C3orf20: variants seen among roughly 807,000 people sequenced by gnomAD.
C3orf20 encodes the protein uncharacterized protein C3orf20.
C3orf20 carries 76 observed loss-of-function variants against 88.3 expected under a neutral mutation model. The observed-to-expected ratio is 0.86, with a 90% confidence interval of 0.72 to 1.04. C3orf20 has a LOEUF of 1.04. C3orf20 is among the 50% of genes least tolerant of loss of function. The pLI is 0.00. For synonymous variants in C3orf20, 436 were observed against 437.4 expected, an observed-to-expected ratio of 1.00 and a Z score of 0.04; for missense variants, 1,056 against 1,123.3, an observed-to-expected ratio of 0.94 and a Z score of 0.86.
intron 1 of C3orf20, among the ~76,000 whole-genome samples, chr3:14,681,653 A>C (rs914189137): frequency 6.6e-6 from 1 of 152,244 alleles, no homozygotes; most frequent in Non-Finnish European, 1.5e-5. Context: ...TGGGAATTAC[A>C]AGAAACAAAT....
At chr3:14,751,063 G>A (rs1328440923) in intron 12 of C3orf20, among the ~76,000 whole-genome samples, 1 of 151,934 alleles carries the variant, frequency 6.6e-6, no homozygotes, top group East Asian at 1.9e-4. Flanking sequence ...CCTTTCTTCT[G>A]CCTGCTTAGA....
rs554090540 is a variant in C3orf20, at chr3:14,698,386, T to C, written c.746-4744T>C. 6.6e-5 allele frequency among the ~76,000 whole-genome samples: 10 copies of C among 152,386 alleles called. No homozygotes were observed. The South Asian group carries it at 2.1e-3, about 32-fold the overall frequency. On this transcript the variant is annotated intron_variant, in intron 5 of 16. Transcript: ENST00000253697. ...GAAGAGTTGGGTATTTATTGTAGTC[T>C]TCACAGTCTGGGGTTGTTTGTACTT...
At position 14,703,110 on chromosome 3, in the gene C3orf20, T is replaced by G; in HGVS notation, c.746-20T>G. On this transcript the variant is annotated intron_variant, in intron 5 of 16. Transcript: ENST00000253697. The stretch of plus-strand genomic sequence containing the variant: ...CCATGGTCTTGGGCATCTCTCTAAC[T>G]TCTTGCCCTCCAACTACAGGCAAAT... The G allele has an allele frequency of 6.2e-7, 1 of 1,614,010 alleles. No individual in the cohort carries two copies. Among genetic ancestry groups the G allele is most frequent in the Non-Finnish European group, 8.5e-7 (1 of 1,179,942 alleles).
At chr3:14,744,317 C>T (rs554874431) in intron 12 of C3orf20, among the ~76,000 whole-genome samples, 40 of 152,074 alleles carry the variant, frequency 2.6e-4, no homozygotes, top group Middle Eastern at 6.8e-3. Context: ...ACCTGTGATC[C>T]AGTTCCCAAC....
At chr3:14,679,034 A>G (rs922357764) in intron 1 of C3orf20, among the ~76,000 whole-genome samples, 6 of 152,172 alleles carry the variant, frequency 3.9e-5, no homozygotes, top group South Asian at 2.1e-4. Context: ...TGAGCCCACC[A>G]TGCTTCCAAT....
At position 14,734,326 on chromosome 3, in the gene C3orf20, T is replaced by G. The variant is rs1427395788; in HGVS notation, c.1940+5638T>G. On this transcript the variant is annotated intron_variant, in intron 12 of 16. Coordinates refer to ENST00000253697, the MANE Select transcript of C3orf20 (RefSeq NM_032137.5). Reference sequence around the variant, plus strand: ...GCTTTTTCTTTTTCTTTTTTGAATATATACATATAATATTACAAATTTCCC... The same window carrying G: ...GCTTTTTCTTTTTCTTTTTTGAATAGATACATATAATATTACAAATTTCCC... Among the ~76,000 whole-genome samples, 3 of 152,242 alleles carry G rather than the reference T, an allele frequency of 2.0e-5. No homozygotes were observed. In the East Asian group the frequency reaches 5.8e-4, roughly 29 times the overall value.
At chr3:14,769,477 G>A (rs2035803127) in intron 15 of C3orf20, among the ~76,000 whole-genome samples, 1 of 152,130 alleles carries the variant, frequency 6.6e-6, no homozygotes, top group Admixed American at 6.5e-5. Flanking sequence ...GCTCTTTACA[G>A]CTGCGCCACT....
At chr3:14,723,414 A>G (rs944729143) in intron 10 of C3orf20, among the ~76,000 whole-genome samples, 1 of 152,274 alleles carries the variant, frequency 6.6e-6, no homozygotes, top group South Asian at 2.1e-4. Context: ...CAAATTCAAT[A>G]AACATTTATT....
chr3:14,744,352 C>T (rs988734965), intron 12 of C3orf20, among the ~76,000 whole-genome samples: 6 of 151,956 alleles, frequency 3.9e-5, no homozygotes, highest in African/African-American at 1.2e-4. Flanking sequence ...CATCTGAGAC[C>T]ACCTCAGCCT....
At position 14,768,999 on chromosome 3, in the gene C3orf20, G is replaced by GC. The variant is rs1343136727; in HGVS notation, c.2496-3067dup. On this transcript the variant is annotated intron_variant, in intron 15 of 16. Coordinates refer to ENST00000253697, the MANE Select transcript of C3orf20 (RefSeq NM_032137.5). This position sits in a 1 kb window ranked among gnomAD's most constrained non-coding sequence, Gnocchi z 4.1. ...CCCAGCAGGACAGCTGTGTGGCTCT[G>GC]CTGGCCTAGTCGTTCACGATCCTCT... Among the ~76,000 whole-genome samples the GC allele has an allele frequency of 6.6e-6, 1 of 152,086 alleles. No homozygotes were observed. Among genetic ancestry groups the GC allele is most frequent in the Non-Finnish European group, 1.5e-5 (1 of 68,028 alleles).
chr3:14,727,111 T>G, intron 11 of C3orf20, 87 bp downstream of exon 11: 1 of 1,423,916 alleles, frequency 7.0e-7, no homozygotes, highest in Non-Finnish European at 9.8e-7. Flanking sequence ...GGACAGACCT[T>G]TACTTTACCG....
At chr3:14,758,195 G>A (rs1356481026) in intron 13 of C3orf20, among the ~76,000 whole-genome samples, 1 of 152,180 alleles carries the variant, frequency 6.6e-6, no homozygotes, top group Non-Finnish European at 1.5e-5. Flanking sequence ...GACAGCTCTG[G>A]GCACACAAGA....
In C3orf20 at chr3:14,727,034, C is replaced by T. The variant is rs1159102843; in HGVS notation, c.1690+10C>T. ...ATCTTGCTGGCCGCAGGTAAGGAGG[C>T]TGAAAGGTGGGCGAAGGCCTATCTG... On this transcript the variant is annotated intron_variant, in intron 11 of 16. Coordinates refer to ENST00000253697, the MANE Select transcript of C3orf20 (RefSeq NM_032137.5). 9 of 1,614,036 alleles carry T rather than the reference C, an allele frequency of 5.6e-6. No individual in the cohort carries two copies. The highest frequency in any genetic ancestry group is 6.8e-6 in the Non-Finnish European group (8 of 1,179,974).
intron 7 of C3orf20, among the ~76,000 whole-genome samples, chr3:14,708,789 G>T (rs2033624159): frequency 1.3e-5 from 2 of 152,172 alleles, no homozygotes; most frequent in South Asian, 4.2e-4. Flanking sequence ...GACTACAGGT[G>T]TGCGCCACCA....
rs755240976 is a variant in C3orf20 at position 14,721,671 on chromosome 3, C to T, written c.1453C>T (p.Leu485=). 5 of 1,614,124 alleles carry T rather than the reference C, an allele frequency of 3.1e-6. No individual in the cohort carries two copies. The East Asian group carries it at 1.1e-4, about 36-fold the overall frequency. ...TCTACAGGTGAATGAGGAAATGAAA[C>T]TAAAGGTACTGGGACAGGACTCCAT... ...LEYKVNEEMK[L]KVLGQDSITV... Residue 485 remains leucine, a synonymous_variant, in exon 10 of 17, where the codon CTA becomes TTA. Coordinates refer to ENST00000253697, the MANE Select transcript of C3orf20 (RefSeq NM_032137.5).
Position 14,721,640 on chromosome 3 carries a change from T to G in C3orf20, c.1435-13T>G. The stretch of plus-strand genomic sequence containing the variant: ...AAGCAGGGATTCTCTGAGTACTGTT[T>G]CTTCATCTACAGGTGAATGAGGAAA... On this transcript the variant is annotated splice_polypyrimidine_tract_variant and intron_variant, in intron 9 of 16. Transcript: ENST00000253697. 1 of 1,613,898 alleles carries G rather than the reference T, an allele frequency of 6.2e-7. No homozygotes were observed. Among genetic ancestry groups the G allele is most frequent in the South Asian group, 1.1e-5 (1 of 91,026 alleles).
chr3:14,767,619 C>A (rs1046947926), intron 15 of C3orf20, among the ~76,000 whole-genome samples: 1 of 152,246 alleles, frequency 6.6e-6, no homozygotes, highest in African/African-American at 2.4e-5. Flanking sequence ...CTGCAAAGCC[C>A]TGTGTAAACT....
At chr3:14,688,129 A>G (rs1477910889) in intron 4 of C3orf20, among the ~76,000 whole-genome samples, 1 of 152,234 alleles carries the variant, frequency 6.6e-6, no homozygotes. Context: ...CATAAAAAAG[A>G]AGATTCAAAC....
At chr3:14,761,720 G>T in intron 15 of C3orf20, 105 bp downstream of exon 15, 36 of 808,396 alleles carry the variant, frequency 4.5e-5, no homozygotes, top group Admixed American at 8.2e-5. Flanking sequence ...AGGCGGGGCT[G>T]AAGGGATGGA....
Sources: allele counts gnomAD v4.1 joint callset (sites outside exome capture counted in the v4.1 genomes callset), GRCh38; gene constraint gnomAD v4.1.1; non-coding constraint Gnocchi (gnomAD v3.1); transcripts MANE v1.5; gene names NCBI Gene and HGNC (gene_info 2026-07-23, HGNC 2026-07-21).